Variants in SYNE2 observed in about 807,000 individuals in gnomAD.
SYNE2 encodes the protein nesprin-2.
A neutral mutation model predicts 856.3 loss-of-function variants in SYNE2; 431 were observed. That is an observed-to-expected ratio of 0.50 (90% confidence interval 0.47 to 0.55). The LOEUF (loss-of-function observed/expected upper bound fraction) is 0.55, where lower values mean the gene tolerates loss of function less well. Among genes scored for constraint, SYNE2 ranks in the 20% least tolerant of loss-of-function variants. SYNE2 has a pLI of 0.00. For missense variants in SYNE2, 8,129 were observed against 8,023.2 expected (o/e 1.01, Z -0.50); for synonymous variants, 2,923 against 2,872.3 (o/e 1.02, Z -0.56).
intron 2 of SYNE2, among the ~76,000 whole-genome samples, chr14:63,919,972 G>GTTTTTTTTTTGTT (rs2095577958): frequency 2.7e-5 from 3 of 110,620 alleles, no homozygotes; most frequent in African/African-American, 1.1e-4. Context: ...TAAAAGGTAA[G>GTTTTTTTTTTGTT]TTTTTTTTTT....
chr14:64,095,801 T>C (rs1241354407), intron 61 of SYNE2, among the ~76,000 whole-genome samples: 1 of 152,174 alleles, frequency 6.6e-6, no homozygotes, highest in Non-Finnish European at 1.5e-5. Flanking sequence ...CAAAAAATGT[T>C]GCCTCCCCTC....
chr14:64,172,562 C>T (rs1160175202), intron 94 of SYNE2, among the ~76,000 whole-genome samples: 1 of 152,138 alleles, frequency 6.6e-6, no homozygotes, highest in African/African-American at 2.4e-5. Context: ...AACCCAACCT[C>T]AGAAGTCACA....
chr14:64,017,577 C>T lies in SYNE2; in HGVS notation c.4888-18C>T. The stretch of plus-strand genomic sequence containing the variant: ...TTTCACTGCTACATATGTTGTTTCT[C>T]TTTTTAAATTATGGTAGATAAATGA... On this transcript the variant is annotated intron_variant, in intron 33 of 115. Coordinates refer to ENST00000555002, the MANE Select transcript of SYNE2 (RefSeq NM_182914.3). 1.2e-6 allele frequency: 2 copies of T among 1,601,992 alleles called. No homozygotes were observed. Among genetic ancestry groups the T allele is most frequent in the Non-Finnish European group, 1.7e-6 (2 of 1,170,840 alleles).
At chr14:64,092,962 T>G (rs8011247) in intron 60 of SYNE2, among the ~76,000 whole-genome samples, 36 of 113,204 alleles carry the variant, frequency 3.2e-4, no homozygotes, top group Non-Finnish European at 5.5e-4. Context: ...GCCCCCCCGC[T>G]CCCCCGGCCA....
chr14:63,795,546 ATTAG>A (rs1229926170), intron 1 of SYNE2, among the ~76,000 whole-genome samples: 1 of 152,122 alleles, frequency 6.6e-6, no homozygotes, highest in African/African-American at 2.4e-5. Context: ...TACACACCCT[ATTAG>A]TTCTGTCCCT....
At chr14:64,075,617 C>G in intron 53 of SYNE2, 2 of 144,224 alleles carry the variant, frequency 1.4e-5, no homozygotes, top group South Asian at 1.9e-4. Context: ...TTTTTTTTTG[C>G]TGCTTGCAGC....
chr14:64,006,942 A>T, intron 30 of SYNE2, 101 bp from the exon 31 acceptor site: 1 of 911,246 alleles, frequency 1.1e-6, no homozygotes, highest in South Asian at 1.4e-5. Context: ...TAACCACATG[A>T]GGACAAATTA....
chr14:63,971,752 A>G (rs113982525), intron 11 of SYNE2, among the ~76,000 whole-genome samples: 2,427 of 152,216 alleles, frequency 0.016, 25 homozygotes, highest in Middle Eastern at 0.031. Flanking sequence ...TTACTTTACA[A>G]TACAGGGCTG....
intron 13 of SYNE2, 113 bp downstream of exon 13, chr14:63,978,130 C>T (rs574081518): frequency 2.6e-6 from 2 of 761,588 alleles, no homozygotes; most frequent in African/African-American, 3.5e-5. Context: ...AAGTATTCTC[C>T]TTTAAATCTT....
At position 63,997,173 on chromosome 14, in the gene SYNE2, A is replaced by AGAATAGCTACCCTTCAGGATAAAAC; in HGVS notation, c.3152+19_3152+43dup. The AGAATAGCTACCCTTCAGGATAAAAC allele has an allele frequency of 1.2e-6, 2 of 1,610,454 alleles. No homozygotes were observed. Among genetic ancestry groups the AGAATAGCTACCCTTCAGGATAAAAC allele is most frequent in the Non-Finnish European group, 1.7e-6 (2 of 1,177,028 alleles). ...TCGAAAAACGAGTTAGTACTTCATA[A>AGAATAGCTACCCTTCAGGATAAAAC]GAATAGCTACCCTTCAGGATAAAAC... On this transcript the variant is annotated intron_variant, in intron 24 of 115. Transcript: ENST00000555002.
Position 64,039,690 on chromosome 14 carries a change from G to A in SYNE2, c.7222-8310G>A, listed in dbSNP as rs373959590. 5.3e-5 allele frequency among the ~76,000 whole-genome samples: 8 copies of A among 152,268 alleles called. No homozygotes were observed. The East Asian group carries it at 1.3e-3, about 26-fold the overall frequency. ...TTATTTATGCTCAGAAGCTCAATAT[G>A]TAGGCTTTAGTACACTCTTTAAAAT... On this transcript the variant is annotated intron_variant, in intron 45 of 115. Coordinates refer to ENST00000555002, the MANE Select transcript of SYNE2 (RefSeq NM_182914.3).
At chr14:64,015,690 A>G (rs2096887270) in intron 32 of SYNE2, among the ~76,000 whole-genome samples, 1 of 150,900 alleles carries the variant, frequency 6.6e-6, no homozygotes, top group South Asian at 2.1e-4. Context: ...AACTTGATTG[A>G]TTTCTGTTTT....
chr14:64,115,766 A>G lies in SYNE2; in HGVS notation c.12840+2195A>G, dbSNP rs552106183. 6.0e-4 allele frequency among the ~76,000 whole-genome samples: 91 copies of G among 152,344 alleles called. 2 individuals carry two copies. In the South Asian group the frequency reaches 0.019, roughly 31 times the overall value. ...TCATTTATATAACATAACACAATAAAGTTATTATTGAAACATATAAAAACC... is the reference window on the plus strand; with the variant it reads ...TCATTTATATAACATAACACAATAAGGTTATTATTGAAACATATAAAAACC... On this transcript the variant is annotated intron_variant, in intron 66 of 115. Coordinates refer to ENST00000555002, the MANE Select transcript of SYNE2 (RefSeq NM_182914.3).
At chr14:63,812,366 C>T (rs1217759812) in intron 1 of SYNE2, among the ~76,000 whole-genome samples, 2 of 152,106 alleles carry the variant, frequency 1.3e-5, no homozygotes, top group Admixed American at 1.3e-4. Context: ...GGTTGTCTTC[C>T]CTTCTTCCCT....
At chr14:64,182,383 TTTTA>T (rs1466941029) in intron 96 of SYNE2, among the ~76,000 whole-genome samples, 5 of 152,160 alleles carry the variant, frequency 3.3e-5, no homozygotes, top group African/African-American at 9.6e-5. Context: ...TTATTTTTAT[TTTTA>T]TTTATTTGTT....
chr14:64,021,858 A>G lies in SYNE2; in HGVS notation c.5354A>G (p.Glu1785Gly). The G allele has an allele frequency of 6.2e-7, 1 of 1,613,862 alleles. No homozygotes were observed. Among genetic ancestry groups the G allele is most frequent in the Non-Finnish European group, 8.5e-7 (1 of 1,179,874 alleles). ...GTTGTTGTTTGTTTATGCATTTAGG[A>G]GATACAACAGCAGATTCTACAGCAA... The part of the protein sequence containing the change: ...DSLEIFTKLE[E>G]IQQQILQQKH... The change falls in exon 37 of 116, where the codon GAG becomes GGG. Residue 1785 changes from glutamate (E) to glycine (G), a missense_variant and splice_region_variant. Physicochemically the swap from Glu to Gly is moderately conservative, Grantham distance 98. Coordinates refer to ENST00000555002, the MANE Select transcript of SYNE2 (RefSeq NM_182914.3).
At chr14:64,057,100 T>C (rs2097276967) in intron 49 of SYNE2, among the ~76,000 whole-genome samples, 1 of 152,212 alleles carries the variant, frequency 6.6e-6, no homozygotes. Context: ...AGATATTCAT[T>C]TCAAGCATTT....
intron 38 of SYNE2, 96 bp downstream of exon 38, chr14:64,022,959 T>C: frequency 1.3e-6 from 1 of 750,798 alleles, no homozygotes; most frequent in Non-Finnish European, 2.3e-6. Flanking sequence ...CTGGGCATGG[T>C]AACTCACACC....
chr14:63,983,981 C>A (rs373132067), intron 18 of SYNE2, 95 bp downstream of exon 18: 2 of 895,106 alleles, frequency 2.2e-6, no homozygotes, highest in South Asian at 3.2e-5. Context: ...GTGGCTCATG[C>A]CTGTAATCCC....
Sources: gnomAD v4.1 joint callset for allele counts (sites outside exome capture counted in the v4.1 genomes callset) on GRCh38, gnomAD v4.1.1 for gene constraint, MANE v1.5 for transcripts, NCBI Gene and HGNC (gene_info 2026-07-23, HGNC 2026-07-21) for gene names.